CD44: variants seen among roughly 807,000 people sequenced by gnomAD.
CD44 encodes the protein CD44 molecule (IN blood group), also known as CD44 antigen.
In CD44, 49 loss-of-function variants were observed where a neutral mutation model predicts 88.8. The ratio of observed to expected loss-of-function variants is 0.55; its 90% CI spans 0.44 to 0.70. CD44 has a LOEUF of 0.70. CD44 is among the 30% of genes least tolerant of loss of function. The pLI is 0.00. For synonymous variants in CD44, 325 were observed against 312.3 expected (o/e 1.04, Z -0.43); for missense variants, 883 against 913.8 (o/e 0.97, Z 0.43).
At chr11:35,181,928 A>ATATATTATATAT (rs1945133688) in intron 3 of CD44, among the ~76,000 whole-genome samples, 2 of 54,968 alleles carry the variant, frequency 3.6e-5, no homozygotes, top group Non-Finnish European at 6.8e-5. Context: ...ATATTATATT[A>ATATATTATATAT]TATATAAATT....
At position 35,229,206 on chromosome 11, in the gene CD44, G is replaced by C; in HGVS notation, c.2102G>C (p.Gly701Ala). The C allele has an allele frequency of 6.2e-7, 1 of 1,614,070 alleles. No homozygotes were observed. The highest frequency in any genetic ancestry group is 8.5e-7 in the Non-Finnish European group (1 of 1,179,932). Residue 701 changes from glycine to alanine, a missense_variant, in exon 18 of 18, where the codon GGA becomes GCA. Transcript: ENST00000428726. ...GACAGAAAGCCAAGTGGACTCAACG[G>C]AGAGGCCAGCAAGTCTCAGGAAATG... The part of the protein sequence containing the change: ...VEDRKPSGLN[G>A]EASKSQEMVH...
chr11:35,140,792 A>C (rs1327076645), intron 1 of CD44, among the ~76,000 whole-genome samples: 2 of 152,170 alleles, frequency 1.3e-5, no homozygotes, highest in Admixed American at 1.3e-4. Flanking sequence ...AGGCTGAGGC[A>C]GCAAATTACC....
At chr11:35,165,267 G>A (rs1476684605) in intron 1 of CD44, among the ~76,000 whole-genome samples, 1 of 152,148 alleles carries the variant, frequency 6.6e-6, no homozygotes, top group Non-Finnish European at 1.5e-5. Flanking sequence ...GCTTCCACTG[G>A]TCCCATTTGC....
intron 3 of CD44, 121 bp from the exon 4 acceptor site, chr11:35,186,711 G>T (rs1378341411): frequency 4.3e-5 from 26 of 602,002 alleles, no homozygotes; most frequent in Admixed American, 1.0e-4. Context: ...AGGAGTTTCG[G>T]AAAAAGAAAG....
chr11:35,171,144 G>T (rs1452576473), intron 1 of CD44, among the ~76,000 whole-genome samples: 1 of 152,112 alleles, frequency 6.6e-6, no homozygotes, highest in African/African-American at 2.4e-5. Context: ...TATCCTCCCG[G>T]GTAATAATTT....
intron 5 of CD44, 25 bp from the exon 6 acceptor site, chr11:35,196,721 A>G (rs902615980): frequency 1.9e-6 from 3 of 1,610,458 alleles, no homozygotes; most frequent in Admixed American, 1.7e-5. Flanking sequence ...TCTTTCAACA[A>G]TCAATTCAAT....
chr11:35,210,172 T>C (rs949542654), intron 13 of CD44, 118 bp downstream of exon 13: 5 of 587,470 alleles, frequency 8.5e-6, no homozygotes, highest in African/African-American at 1.9e-5. Context: ...CTGTTACTTT[T>C]AATCAAAAGG....
intron 3 of CD44, 75 bp from the exon 4 acceptor site, chr11:35,186,757 A>G: frequency 1.2e-6 from 1 of 842,984 alleles, no homozygotes; most frequent in Non-Finnish European, 2.1e-6. Flanking sequence ...CTCCATTCTA[A>G]CTGACTAATA....
chr11:35,226,542 T>C (rs1949699887), intron 17 of CD44, among the ~76,000 whole-genome samples: 1 of 152,218 alleles, frequency 6.6e-6, no homozygotes, highest in South Asian at 2.1e-4. Context: ...GCTTTTGTTA[T>C]ATTAACAATT....
In CD44 at chr11:35,229,441, CTT is replaced by C; in HGVS notation, c.*113_*114del. On this transcript the variant is annotated 3_prime_UTR_variant, in exon 18 of 18. Coordinates refer to ENST00000428726, the MANE Select transcript of CD44 (RefSeq NM_000610.4). ...TGCTACTGATTGTTTCATTGCGAAT[CTT>C]TTTTAGCATAAAATTTTCTACTCTT... 2 of 673,372 alleles carry C rather than the reference CTT, an allele frequency of 3.0e-6. No homozygotes were observed. Among genetic ancestry groups the C allele is most frequent in the Non-Finnish European group, 5.0e-6 (2 of 400,756 alleles). 41.7% of individuals were successfully genotyped at this position (673,372 alleles called of 1,614,324 possible). A position where few individuals can be genotyped will look rare whatever the true frequency, so the allele number is the denominator to read the frequency against.
intron 1 of CD44, among the ~76,000 whole-genome samples, chr11:35,150,569 T>C (rs1294206663): frequency 6.6e-6 from 1 of 152,214 alleles, no homozygotes; most frequent in Non-Finnish European, 1.5e-5. Flanking sequence ...TCACTGAATG[T>C]CCTTCGTCAG....
intron 7 of CD44, chr11:35,198,613 A>C (rs954835106): frequency 5.9e-6 from 1 of 169,734 alleles, no homozygotes; most frequent in Non-Finnish European, 1.3e-5. Context: ...AAAGAGCCAG[A>C]GCCTTTGCTT....
intron 10 of CD44, 124 bp downstream of exon 10, chr11:35,204,764 A>G (rs1947666859): frequency 1.1e-6 from 1 of 882,896 alleles, no homozygotes; most frequent in East Asian, 2.7e-5. Context: ...TTACTTAATA[A>G]ATTATGCTGC....
At chr11:35,220,425 A>G (rs1017978243) in intron 16 of CD44, among the ~76,000 whole-genome samples, 2 of 152,190 alleles carry the variant, frequency 1.3e-5, no homozygotes, top group Admixed American at 1.3e-4. Flanking sequence ...AACCAGGAAA[A>G]GGTGAGGCAA....
chr11:35,181,213 C>T lies in CD44; in HGVS notation c.367+806C>T, dbSNP rs79552246. Among the ~76,000 whole-genome samples, 601 of 152,220 alleles carry T rather than the reference C, an allele frequency of 3.9e-3. 2 individuals carry two copies. Among genetic ancestry groups the T allele is most frequent in the African/African-American group, 0.014 (580 of 41,540 alleles). On this transcript the variant is annotated intron_variant, in intron 3 of 17. Transcript: ENST00000428726. Reference sequence around the variant, plus strand: ...GGAGAGTATATGGTATGCCTTTGACCTTCTTAAATATCCCTTACCCAACAG... The same window carrying T: ...GGAGAGTATATGGTATGCCTTTGACTTTCTTAAATATCCCTTACCCAACAG...
intron 5 of CD44, among the ~76,000 whole-genome samples, chr11:35,195,015 A>G (rs1233231174): frequency 6.6e-6 from 1 of 152,216 alleles, no homozygotes; most frequent in African/African-American, 2.4e-5. Context: ...TTGGACACTT[A>G]AAATCTCAAC....
intron 17 of CD44, 38 bp from the exon 18 acceptor site, chr11:35,229,091 G>A: frequency 2.0e-6 from 3 of 1,526,512 alleles, no homozygotes; most frequent in African/African-American, 1.4e-5. Flanking sequence ...CTGAGTCACT[G>A]CAATCTTTCT....
intron 2 of CD44, 31 bp from the exon 3 acceptor site, chr11:35,180,243 A>G: frequency 6.2e-7 from 1 of 1,611,824 alleles, no homozygotes; most frequent in Non-Finnish European, 8.5e-7. Flanking sequence ...TTAGCCATTT[A>G]GGTCAATATC....
Position 35,204,619 on chromosome 11 carries a change from C to T in CD44, c.1261C>T (p.His421Tyr), listed in dbSNP as rs755283664. ...GYRQTPKEDSHSTTGTAAASA... is the reference protein window; with the variant it reads ...GYRQTPKEDSYSTTGTAAASA... ...TCGCCAAACACCCAAAGAAGACTCCCATTCGACAACAGGGACAGCTGGTAA... is the reference window on the plus strand; with the variant it reads ...TCGCCAAACACCCAAAGAAGACTCCTATTCGACAACAGGGACAGCTGGTAA... The change falls in exon 10 of 18, where the codon CAT becomes TAT. Residue 421 changes from histidine to tyrosine, a missense_variant. Around this residue, in one of 2 missense-constraint regions of CD44, gnomAD observed 631 missense variants for 590.9 expected, o/e 1.07. Transcript: ENST00000428726. The T allele has an allele frequency of 6.2e-7, 1 of 1,613,132 alleles. No individual in the cohort carries two copies. The highest frequency in any genetic ancestry group is 1.1e-5 in the South Asian group (1 of 91,052).
Sources: allele counts gnomAD v4.1 joint callset (sites outside exome capture counted in the v4.1 genomes callset), GRCh38; gene constraint gnomAD v4.1.1; regional missense constraint gnomAD v4.1.1; transcripts MANE v1.5; gene names NCBI Gene and HGNC (gene_info 2026-07-23, HGNC 2026-07-21).